Variants in BANP observed in about 807,000 individuals in gnomAD.
The protein encoded by BANP is BTG3 associated nuclear protein.
BANP carries 11 observed loss-of-function variants against 68.1 expected under a neutral mutation model. That is an observed-to-expected ratio of 0.16 (90% CI 0.10 to 0.27). BANP has a LOEUF of 0.27. Among genes scored for constraint, BANP ranks in the 10% least tolerant of loss-of-function variants. The pLI, the probability that BANP is intolerant of heterozygous loss-of-function variation, is 1.00. For missense variants in BANP, 504 were observed against 722.7 expected, an observed-to-expected ratio of 0.70 and a Z score of 3.47; for synonymous variants, 329 against 303.2, an observed-to-expected ratio of 1.09 and a Z score of -0.88.
intron 13 of BANP, among the ~76,000 whole-genome samples, chr16:88,074,198 A>T (rs561354257): frequency 6.8e-6 from 1 of 147,566 alleles, no homozygotes; most frequent in Non-Finnish European, 1.5e-5. Flanking sequence ...GAGCCTCCTT[A>T]TCCACATGAA....
chr16:88,019,840 G>C (rs948870259), intron 7 of BANP, among the ~76,000 whole-genome samples: 1 of 152,174 alleles, frequency 6.6e-6, no homozygotes, highest in African/African-American at 2.4e-5. Flanking sequence ...GGGCTCCGCT[G>C]TTCCGTAGCT....
intron 13 of BANP, among the ~76,000 whole-genome samples, chr16:88,074,647 T>C (rs1211869160): frequency 6.6e-6 from 1 of 151,922 alleles, no homozygotes. Flanking sequence ...CCAGCTGCCT[T>C]TCCAGCTGTC....
chr16:87,961,407 G>GCCCTC lies in BANP; in HGVS notation c.-69+9893_-69+9894insCCTCC, dbSNP rs149889657. Among the ~76,000 whole-genome samples the GCCCTC allele has an allele frequency of 2.6e-5, 3 of 117,570 alleles. 1 individual carries two copies. Among genetic ancestry groups the GCCCTC allele is most frequent in the Admixed American group, 1.8e-4 (2 of 11,400 alleles). 77.1% of individuals were successfully genotyped at this position (117,570 alleles called of 152,430 possible). ...TCGAACTCCTGGACTCACAGAATCTGCACCCCCCCGGGCCTCCCAAAGTGC... is the reference window on the plus strand; with the variant it reads ...TCGAACTCCTGGACTCACAGAATCTGCCCTCCACCCCCCCGGGCCTCCCAAAGTGC... On this transcript the variant is annotated intron_variant, in intron 1 of 13. Coordinates refer to ENST00000682872, the MANE Select transcript of BANP (RefSeq NM_001386991.1).
At chr16:88,023,779 T>C (rs1197175442) in intron 7 of BANP, among the ~76,000 whole-genome samples, 3 of 152,012 alleles carry the variant, frequency 2.0e-5, no homozygotes, top group African/African-American at 7.2e-5. Flanking sequence ...CAGCTAACGG[T>C]GTAGTGGAGA....
chr16:88,004,516 C>G lies in BANP; in HGVS notation c.479+105C>G. On this transcript the variant is annotated intron_variant, in intron 5 of 13. Coordinates refer to ENST00000682872, the MANE Select transcript of BANP (RefSeq NM_001386991.1). This position sits in a 1 kb window ranked among gnomAD's most constrained non-coding sequence, Gnocchi z 7.0. ...GGGCACAGTCCAGCACACGCTTCAT[C>G]TCTGTGGTCACAGGGTTGAGCCTGG... 1 of 673,062 alleles carries G rather than the reference C, an allele frequency of 1.5e-6. No homozygotes were observed. The highest frequency in any genetic ancestry group is 3.0e-5 in the East Asian group (1 of 33,568). The allele number at this position is 673,062 out of a possible 1,614,324, so 41.7% of individuals were successfully genotyped here. A position where few individuals can be genotyped will look rare whatever the true frequency, so the allele number is the denominator to read the frequency against.
At chr16:88,025,584 T>A (rs1357958661) in intron 7 of BANP, among the ~76,000 whole-genome samples, 1 of 152,226 alleles carries the variant, frequency 6.6e-6, no homozygotes, top group Admixed American at 6.5e-5. Context: ...TCTTTTTGTC[T>A]GCAGCACAGA....
intron 4 of BANP, among the ~76,000 whole-genome samples, chr16:87,991,046 A>C (rs890532861): frequency 3.1e-4 from 47 of 152,212 alleles, no homozygotes; most frequent in African/African-American, 1.1e-3. Flanking sequence ...ACAGGCGTGC[A>C]CCACTGCGCC....
intron 4 of BANP, among the ~76,000 whole-genome samples, chr16:87,998,728 G>T: frequency 6.7e-6 from 1 of 148,472 alleles, no homozygotes; most frequent in Admixed American, 6.7e-5. Flanking sequence ...GCACGCACGT[G>T]CGCGGCTGTA....
chr16:87,955,809 C>G (rs1445434245), intron 1 of BANP, among the ~76,000 whole-genome samples: 1 of 152,188 alleles, frequency 6.6e-6, no homozygotes, highest in African/African-American at 2.4e-5. Context: ...TGAGACACAT[C>G]ACTTCTCTGG....
chr16:87,975,982 C>G (rs1307034119), intron 2 of BANP, among the ~76,000 whole-genome samples: 2 of 151,304 alleles, frequency 1.3e-5, no homozygotes, highest in Non-Finnish European at 2.9e-5. Context: ...TGTGTGTAAT[C>G]CCCTGTGTGT....
chr16:88,054,444 CACT>C (rs1170505447), intron 11 of BANP, among the ~76,000 whole-genome samples: 17 of 152,244 alleles, frequency 1.1e-4, no homozygotes, highest in African/African-American at 2.4e-4. Context: ...CCACCTCCAC[CACT>C]ATTATGTCCC....
In BANP at chr16:88,004,376, C is replaced by G. The variant is rs1473868674; in HGVS notation, c.444C>G (p.Asn148Lys). 7 of 1,546,808 alleles carry G rather than the reference C, an allele frequency of 4.5e-6. No individual in the cohort carries two copies. Among genetic ancestry groups the G allele is most frequent in the Non-Finnish European group, 6.1e-6 (7 of 1,143,924 alleles). Residue 148 changes from asparagine (N) to lysine (K), a missense_variant, in exon 5 of 14, where the codon AAC (asparagine) becomes AAG (lysine). Asn to Lys is a moderately conservative substitution (Grantham distance 94). This residue lies in a region of BANP where 238 missense variants were observed against 278.9 expected (regional missense o/e 0.85). Coordinates refer to ENST00000682872, the MANE Select transcript of BANP (RefSeq NM_001386991.1). This position sits in a 1 kb window ranked among gnomAD's most constrained non-coding sequence, Gnocchi z 7.0. ...CCAAGATGGAAGACCCCTTGAGCAA[C>G]AGGGCACCGGATTCCCTGGAAAATG... is the stretch of plus-strand genomic sequence containing the variant. ...IVAKMEDPLS[N>K]RAPDSLENVI...
intron 11 of BANP, among the ~76,000 whole-genome samples, chr16:88,043,138 C>G (rs894183476): frequency 1.3e-5 from 2 of 152,166 alleles, no homozygotes; most frequent in African/African-American, 4.8e-5. Context: ...CTCCTCGCCT[C>G]TTGCCCTCCG....
chr16:88,005,654 A>G (rs964427062), intron 5 of BANP, among the ~76,000 whole-genome samples: 1 of 152,170 alleles, frequency 6.6e-6, no homozygotes, highest in Admixed American at 6.5e-5. Flanking sequence ...TGCTGCTCGC[A>G]TTGCGAGGGG....
rs142169706 is a variant in BANP, at chr16:88,066,496, G to A, written c.1377+1164G>A. ...GCTCGAAGGAACCCAGCTTCGACTC[G>A]GTGTCTGACACTGTGGCCTCTGTTC... On this transcript the variant is annotated intron_variant, in intron 12 of 13. Coordinates refer to ENST00000682872, the MANE Select transcript of BANP (RefSeq NM_001386991.1). 8.0e-3 allele frequency among the ~76,000 whole-genome samples: 1,223 copies of A among 152,210 alleles called. 12 individuals carry two copies. Among genetic ancestry groups the A allele is most frequent in the African/African-American group, 0.027 (1,119 of 41,530 alleles).
rs769959377 is a variant in BANP at position 87,984,184 on chromosome 16, A to T, written c.287A>T (p.Gln96Leu). The T allele has an allele frequency of 6.2e-7, 1 of 1,607,836 alleles. No homozygotes were observed. Among genetic ancestry groups the T allele is most frequent in the Non-Finnish European group, 8.5e-7 (1 of 1,176,430 alleles). Residue 96 changes from glutamine to leucine, a missense_variant, in exon 4 of 14, where the codon CAG becomes CTG. Physicochemically the swap from Gln to Leu is moderately radical, Grantham distance 113. Around this residue, in one of 3 missense-constraint regions of BANP, gnomAD observed 238 missense variants for 278.9 expected, o/e 0.85. Transcript: ENST00000682872. ...AAGCTGGATCTGGTCACGAACAAGC[A>T]GCACAGCCCCATCCAGGTCCCCATG... ...EEKLDLVTNK[Q>L]HSPIQVPMVA...
At chr16:88,013,078 G>C (rs376772119) in intron 6 of BANP, among the ~76,000 whole-genome samples, 1 of 152,362 alleles carries the variant, frequency 6.6e-6, no homozygotes. Context: ...AGGATCGGCA[G>C]CTTTCTAGGA....
intron 2 of BANP, chr16:87,978,781 C>T (rs573387738): frequency 4.3e-5 from 17 of 393,964 alleles, no homozygotes; most frequent in African/African-American, 1.4e-4. Context: ...AGCCTTAACA[C>T]GCTAAGTGAT....
chr16:88,043,151 G>A (rs1397355621), intron 11 of BANP, among the ~76,000 whole-genome samples: 1 of 152,114 alleles, frequency 6.6e-6, no homozygotes, highest in African/African-American at 2.4e-5. Context: ...GCCCTCCGCC[G>A]CATCCTCATC....
Sources: gnomAD v4.1 joint callset for allele counts (sites outside exome capture counted in the v4.1 genomes callset) on GRCh38, gnomAD v4.1.1 for gene constraint, gnomAD v4.1.1 regional missense constraint, Gnocchi (gnomAD v3.1) non-coding constraint, MANE v1.5 for transcripts, NCBI Gene and HGNC (gene_info 2026-07-23, HGNC 2026-07-21) for gene names.